The following COL19A1 variants were observed in gnomAD, a reference collection of about 807,000 sequenced individuals.
COL19A1 encodes the protein collagen alpha-1(XIX) chain.
A neutral mutation model predicts 190.2 loss-of-function variants in COL19A1; 159 were observed. That is an observed-to-expected ratio of 0.84 (90% CI 0.73 to 0.95). The LOEUF is 0.95. Among genes scored for constraint, COL19A1 ranks in the 40% least tolerant of loss-of-function variants. The pLI is 0.00. For missense variants in COL19A1, 1,418 were observed against 1,431.9 expected (o/e 0.99, Z 0.16); for synonymous variants, 509 against 458.9 (o/e 1.11, Z -1.39).
In COL19A1 at chr6:70,063,009, T is replaced by G. The variant is rs529419023; in HGVS notation, c.1171-5414T>G. Among the ~76,000 whole-genome samples the G allele has an allele frequency of 2.0e-5, 3 of 152,256 alleles. No individual in the cohort carries two copies. In the East Asian group the frequency reaches 5.8e-4, roughly 29 times the overall value. Reference sequence around the variant, plus strand: ...GTCCTTAGAGACCTACAAAGAGCCTTAGACTCCCATACAGTAATAATGGGA... The same window carrying G: ...GTCCTTAGAGACCTACAAAGAGCCTGAGACTCCCATACAGTAATAATGGGA... On this transcript the variant is annotated intron_variant, in intron 14 of 50. Transcript: ENST00000620364.
chr6:70,036,673 T>G (rs1363721820), intron 14 of COL19A1, among the ~76,000 whole-genome samples: 1 of 152,110 alleles, frequency 6.6e-6, no homozygotes, highest in Non-Finnish European at 1.5e-5. Context: ...GTTTTGTTTT[T>G]TTTAAAAAAG....
chr6:70,020,768 A>T (rs1416803246), intron 11 of COL19A1, among the ~76,000 whole-genome samples: 1 of 152,126 alleles, frequency 6.6e-6, no homozygotes, highest in Non-Finnish European at 1.5e-5. Context: ...AATGTACAGG[A>T]CTGCCCCCAC....
At chr6:70,163,263 A>G in intron 35 of COL19A1, 80 bp from the exon 36 acceptor site, 2 of 1,287,644 alleles carry the variant, frequency 1.6e-6, no homozygotes, top group Non-Finnish European at 2.2e-6. Flanking sequence ...CAAAATGTGT[A>G]AGTTTTAGTA....
chr6:70,199,516 C>A, intron 48 of COL19A1, 92 bp from the exon 49 acceptor site: 2 of 1,025,680 alleles, frequency 1.9e-6, no homozygotes, highest in East Asian at 3.2e-5. Flanking sequence ...AAAACTAAAT[C>A]TTTTTGTTTG....
At chr6:69,873,628 CTTTAT>C (rs1479745201) in intron 1 of COL19A1, among the ~76,000 whole-genome samples, 1 of 152,166 alleles carries the variant, frequency 6.6e-6, no homozygotes, top group East Asian at 1.9e-4. Context: ...GTGTTATTAG[CTTTAT>C]TTTAACTTTC....
At chr6:69,927,816 T>G (rs1276128489) in intron 4 of COL19A1, 93 bp from the exon 5 acceptor site, 10 of 1,418,904 alleles carry the variant, frequency 7.0e-6, no homozygotes, top group African/African-American at 2.9e-5. Flanking sequence ...AAAATATGAC[T>G]GAGATATTGT....
intron 4 of COL19A1, among the ~76,000 whole-genome samples, chr6:69,918,738 A>G (rs1281692631): frequency 6.6e-6 from 1 of 151,910 alleles, no homozygotes; most frequent in Non-Finnish European, 1.5e-5. Flanking sequence ...AAACACAAAA[A>G]CCAGTAAGAC....
chr6:70,154,416 C>A (rs1787304371), intron 31 of COL19A1, among the ~76,000 whole-genome samples: 1 of 152,122 alleles, frequency 6.6e-6, no homozygotes. Context: ...CTGCAATAAA[C>A]ATACGTGTGC....
At chr6:69,983,140 G>A (rs1236300672) in intron 11 of COL19A1, among the ~76,000 whole-genome samples, 1 of 151,854 alleles carries the variant, frequency 6.6e-6, no homozygotes, top group Non-Finnish European at 1.5e-5. Context: ...CAATAGTATA[G>A]AGTCATCCAA....
intron 12 of COL19A1, among the ~76,000 whole-genome samples, chr6:70,025,376 T>C (rs760181749): frequency 7.9e-5 from 12 of 152,214 alleles, no homozygotes; most frequent in Non-Finnish European, 4.4e-5. Flanking sequence ...TGTGCTATGA[T>C]TTTATGCAAA....
rs147942358 is a variant in COL19A1, at chr6:69,905,786, A to G, written c.266+5448A>G. Among the ~76,000 whole-genome samples the G allele has an allele frequency of 4.2e-3, 633 of 152,182 alleles. 1 individual carries two copies. The highest frequency in any genetic ancestry group is 7.3e-3 in the Non-Finnish European group (495 of 68,008). On this transcript the variant is annotated intron_variant, in intron 4 of 50. Transcript: ENST00000620364. ...GCTCAGGGGATATTTGAGGGGCTTT[A>G]TGTGTTTTGTTGGCTTTAAATTCAT...
chr6:70,024,729 T>G (rs1221960203), intron 12 of COL19A1, among the ~76,000 whole-genome samples: 1 of 152,186 alleles, frequency 6.6e-6, no homozygotes, highest in Non-Finnish European at 1.5e-5. Flanking sequence ...CCATCATTCT[T>G]ATTTCTCTCC....
chr6:70,190,293 AC>A, intron 47 of COL19A1, 21 bp from the exon 48 acceptor site: 8 of 1,563,688 alleles, frequency 5.1e-6, no homozygotes, highest in African/African-American at 1.4e-5. Flanking sequence ...TATTTTAACA[AC>A]CTTTTTTTTT....
chr6:70,126,128 A>G (rs1199983226), intron 17 of COL19A1, among the ~76,000 whole-genome samples: 1 of 149,414 alleles, frequency 6.7e-6, no homozygotes, highest in East Asian at 2.0e-4. Flanking sequence ...CAATTCTTGT[A>G]TTCATTTCTC....
At chr6:69,959,850 C>A in intron 9 of COL19A1, 146 bp from the exon 10 acceptor site, 1 of 567,642 alleles carries the variant, frequency 1.8e-6, no homozygotes, top group Non-Finnish European at 2.9e-6. Context: ...AAATAAGGAA[C>A]AGATGGAAAG....
chr6:69,921,232 T>C (rs1258909363), intron 4 of COL19A1, among the ~76,000 whole-genome samples: 1 of 132,070 alleles, frequency 7.6e-6, no homozygotes, highest in Non-Finnish European at 1.5e-5. Context: ...CCATATGTAT[T>C]ATATATCCAT....
At chr6:69,992,124 G>C (rs1328107825) in intron 11 of COL19A1, among the ~76,000 whole-genome samples, 2 of 152,076 alleles carry the variant, frequency 1.3e-5, no homozygotes, top group Non-Finnish European at 2.9e-5. Flanking sequence ...CATATGGCTA[G>C]CCAGTTATGC....
chr6:69,955,421 G>A (rs550510657), intron 9 of COL19A1, among the ~76,000 whole-genome samples: 14 of 152,022 alleles, frequency 9.2e-5, no homozygotes, highest in Admixed American at 5.9e-4. Flanking sequence ...AAAACTTAAG[G>A]ATTGTAGTTG....
At chr6:70,155,495 A>G (rs73746880) in intron 31 of COL19A1, among the ~76,000 whole-genome samples, 3,312 of 152,266 alleles carry the variant, frequency 0.022, 117 homozygotes, top group African/African-American at 0.073. Context: ...TCCCAGATCA[A>G]CTAAAGGTTG....
Sources: gnomAD v4.1 joint callset for allele counts (sites outside exome capture counted in the v4.1 genomes callset) on GRCh38, gnomAD v4.1.1 for gene constraint, MANE v1.5 for transcripts, NCBI Gene and HGNC (gene_info 2026-07-23, HGNC 2026-07-21) for gene names.